SLC30A8: variants seen among roughly 807,000 people sequenced by gnomAD.
SLC30A8 encodes proton-coupled zinc antiporter SLC30A8.
A neutral mutation model predicts 36.9 loss-of-function variants in SLC30A8; 27 were observed. The ratio of observed to expected loss-of-function variants is 0.73; its 90% CI spans 0.54 to 1.01. The LOEUF is 1.01. SLC30A8 is among the 50% of genes least tolerant of loss of function. The pLI is 0.00. For missense variants in SLC30A8, 439 were observed against 452.0 expected, an observed-to-expected ratio of 0.97 and a Z score of 0.26; for synonymous variants, 164 against 172.4, an observed-to-expected ratio of 0.95 and a Z score of 0.38.
At chr8:116,962,593 T>A (rs1388589662) in intron 1 of SLC30A8, among the ~76,000 whole-genome samples, 2 of 152,018 alleles carry the variant, frequency 1.3e-5, no homozygotes, top group African/African-American at 4.8e-5. Context: ...TTCAGTTTAG[T>A]CACTAGTTGA....
intron 2 of SLC30A8, among the ~76,000 whole-genome samples, chr8:117,088,380 C>A (rs1466873144): frequency 6.6e-6 from 1 of 152,122 alleles, no homozygotes; most frequent in Non-Finnish European, 1.5e-5. Flanking sequence ...CCCCCTTATT[C>A]CTGGAGTCCA....
intron 6 of SLC30A8, among the ~76,000 whole-genome samples, chr8:117,168,611 T>G (rs1823188401): frequency 6.6e-6 from 1 of 152,114 alleles, no homozygotes; most frequent in Admixed American, 6.6e-5. Context: ...ATGGTGGACC[T>G]ATGTTCTCTA....
intron 1 of SLC30A8, among the ~76,000 whole-genome samples, chr8:116,980,441 A>G (rs944956406): frequency 5.9e-5 from 9 of 152,124 alleles, no homozygotes; most frequent in African/African-American, 2.2e-4. Context: ...TCCCACAGGA[A>G]GTTCTGGAGC....
chr8:116,965,564 A>G (rs1484834030), intron 1 of SLC30A8, among the ~76,000 whole-genome samples: 3 of 152,172 alleles, frequency 2.0e-5, no homozygotes, highest in Admixed American at 6.5e-5. Context: ...GGAACCCTCA[A>G]TCTCCTGTGT....
intron 1 of SLC30A8, among the ~76,000 whole-genome samples, chr8:117,021,910 C>T (rs1816706461): frequency 6.6e-6 from 1 of 152,058 alleles, no homozygotes; most frequent in African/African-American, 2.4e-5. Context: ...AATGGGGAAA[C>T]ATGACCTTTT....
At chr8:117,143,790 C>T (rs114938843) in intron 1 of SLC30A8, among the ~76,000 whole-genome samples, 1 of 152,048 alleles carries the variant, frequency 6.6e-6, no homozygotes, top group South Asian at 2.1e-4. Context: ...AGTCTCAGCT[C>T]AGAGTATATC....
chr8:117,100,568 G>A (rs969790826), intron 2 of SLC30A8, among the ~76,000 whole-genome samples: 1 of 152,194 alleles, frequency 6.6e-6, no homozygotes. Flanking sequence ...CTGGAAACAA[G>A]AAGCCAGTAT....
At chr8:117,127,416 G>T (rs1290995882) in intron 2 of SLC30A8, among the ~76,000 whole-genome samples, 1 of 152,046 alleles carries the variant, frequency 6.6e-6, no homozygotes, top group Non-Finnish European at 1.5e-5. Context: ...AAAGAGATCT[G>T]CAGTGTAGAG....
chr8:117,041,136 A>G (rs906415343), intron 2 of SLC30A8, among the ~76,000 whole-genome samples: 7 of 152,196 alleles, frequency 4.6e-5, no homozygotes, highest in Non-Finnish European at 1.0e-4. Flanking sequence ...CCCTGAAACT[A>G]TGCACTCAGC....
chr8:117,176,144 G>A lies in SLC30A8; in HGVS notation c.*3463G>A, dbSNP rs1168526595. The A allele has an allele frequency of 1.3e-5, 2 of 152,008 alleles. No individual in the cohort carries two copies. The highest frequency in any genetic ancestry group is 2.4e-5 in the African/African-American group (1 of 41,414). The allele number at this position is 152,008 out of a possible 1,614,324, so 9.4% of individuals were successfully genotyped here. A position where few individuals can be genotyped will look rare whatever the true frequency, so the allele number is the denominator to read the frequency against. On this transcript the variant is annotated 3_prime_UTR_variant, in exon 8 of 8. Coordinates refer to ENST00000456015, the MANE Select transcript of SLC30A8 (RefSeq NM_173851.3). The stretch of plus-strand genomic sequence containing the variant: ...TCTTTCTCTGGTTTCTAAATTGCCA[G>A]TGGCAAATTTGGATCACTTACTTAA...
chr8:117,172,657 T>C lies in SLC30A8; in HGVS notation c.1086T>C (p.Leu362=), dbSNP rs1375739361. ...ESPVDQDPDC[L]FCEDPCD ...CAGTTGACCAGGACCCCGACTGCCTTTTCTGTGAAGACCCCTGTGACTAGC... is the reference window on the plus strand; with the variant it reads ...CAGTTGACCAGGACCCCGACTGCCTCTTCTGTGAAGACCCCTGTGACTAGC... Residue 362 remains leucine (L), a synonymous_variant, in exon 8 of 8, where the codon CTT becomes CTC. Coordinates refer to ENST00000456015, the MANE Select transcript of SLC30A8 (RefSeq NM_173851.3). 2 of 1,613,676 alleles carry C rather than the reference T, an allele frequency of 1.2e-6. No individual in the cohort carries two copies. The highest frequency in any genetic ancestry group is 2.2e-5 in the South Asian group (2 of 91,076).
intron 3 of SLC30A8, among the ~76,000 whole-genome samples, chr8:117,154,928 A>G (rs924710105): frequency 2.0e-5 from 3 of 152,278 alleles, no homozygotes; most frequent in South Asian, 4.1e-4. Flanking sequence ...AAATGTAGCT[A>G]TTGAGCACTT....
chr8:116,966,040 T>C (rs1019106851), intron 1 of SLC30A8, among the ~76,000 whole-genome samples: 22 of 151,936 alleles, frequency 1.4e-4, no homozygotes, highest in Non-Finnish European at 2.9e-4. Context: ...CACACCACCA[T>C]GCCTGGCTAA....
In SLC30A8 at chr8:116,977,443, G is replaced by A. The variant is rs111782985; in HGVS notation, c.-266+26324G>A. On this transcript the variant is annotated intron_variant, in intron 1 of 10. Transcript: ENST00000427715. Reference sequence around the variant, plus strand: ...ATTGGGATTACAGGCGTGAGCCACCGTGCCTGGCCTTTTCTTTCTTTTCCT... The same window carrying A: ...ATTGGGATTACAGGCGTGAGCCACCATGCCTGGCCTTTTCTTTCTTTTCCT... 1.7e-3 allele frequency among the ~76,000 whole-genome samples: 254 copies of A among 150,844 alleles called. 2 individuals carry two copies. Among genetic ancestry groups the A allele is most frequent in the African/African-American group, 6.0e-3 (247 of 41,058 alleles).
chr8:117,012,266 G>A (rs547669075), intron 1 of SLC30A8, among the ~76,000 whole-genome samples: 2 of 152,150 alleles, frequency 1.3e-5, no homozygotes, highest in Admixed American at 1.3e-4. Flanking sequence ...TATTTTTAAT[G>A]TGTACATTTT....
intron 2 of SLC30A8, among the ~76,000 whole-genome samples, chr8:117,042,716 G>T (rs1380112678): frequency 2.6e-5 from 4 of 151,448 alleles, no homozygotes; most frequent in Non-Finnish European, 4.4e-5. Flanking sequence ...TTCACCCAGG[G>T]TCAGGCTGGA....
At chr8:117,128,335 G>A (rs781223488) in intron 2 of SLC30A8, 3 of 152,062 alleles carry the variant, frequency 2.0e-5, no homozygotes, top group Non-Finnish European at 4.4e-5. Flanking sequence ...CCACAGGAAA[G>A]GAAATAGTCT....
intron 1 of SLC30A8, among the ~76,000 whole-genome samples, chr8:116,974,238 C>T (rs1240048811): frequency 2.6e-5 from 4 of 152,318 alleles, no homozygotes; most frequent in Admixed American, 6.5e-5. Context: ...AAACCACCAT[C>T]AGAGTGAACA....
intron 1 of SLC30A8, among the ~76,000 whole-genome samples, chr8:117,008,193 T>C (rs961719697): frequency 2.0e-5 from 3 of 152,228 alleles, no homozygotes; most frequent in African/African-American, 7.2e-5. Flanking sequence ...TAACTTAGTA[T>C]AAATTTTTTT....
Sources: allele counts gnomAD v4.1 joint callset (sites outside exome capture counted in the v4.1 genomes callset), GRCh38; gene constraint gnomAD v4.1.1; transcripts MANE v1.5; gene names NCBI Gene and HGNC (gene_info 2026-07-23, HGNC 2026-07-21).